The following GJC1 variants were observed in gnomAD, a reference collection of about 807,000 sequenced individuals.
GJC1 encodes the protein gap junction protein gamma 1.
In GJC1, 5 loss-of-function variants were observed where a neutral mutation model predicts 29.3. The observed-to-expected ratio is 0.17, with a 90% CI of 0.09 to 0.36. GJC1 has a LOEUF of 0.36. Ranked by LOEUF, GJC1 falls within the 10% of genes least tolerant of loss-of-function variation. The pLI is 1.00. For missense variants in GJC1, 310 were observed against 496.2 expected, an observed-to-expected ratio of 0.62 and a Z score of 3.56; for synonymous variants, 177 against 183.3, an observed-to-expected ratio of 0.97 and a Z score of 0.28.
intron 1 of GJC1, among the ~76,000 whole-genome samples, chr17:44,826,921 C>A (rs567644155): frequency 6.6e-6 from 1 of 152,200 alleles, no homozygotes; most frequent in Non-Finnish European, 1.5e-5. Context: ...CTGATATTAA[C>A]AGCTCAGAAC....
chr17:44,821,167 G>A (rs1479285804), intron 1 of GJC1, among the ~76,000 whole-genome samples: 1 of 152,156 alleles, frequency 6.6e-6, no homozygotes, highest in Non-Finnish European at 1.5e-5. Flanking sequence ...AGCTGGAGAA[G>A]TATGAGGAAC....
upstream of GJC1, among the ~76,000 whole-genome samples, chr17:44,830,968 A>G (rs1334844132): frequency 2.0e-5 from 3 of 152,234 alleles, no homozygotes; most frequent in Admixed American, 1.3e-4. The surrounding 1 kb of genome is among the most constrained non-coding windows in gnomAD (Gnocchi z 4.3). Flanking sequence ...CCCAGTAGGA[A>G]ACCGAAAATT....
At chr17:44,797,093 TTATA>T (rs2049788490), downstream of GJC1, among the ~76,000 whole-genome samples, 1 of 151,882 alleles carries the variant, frequency 6.6e-6, no homozygotes. Context: ...TCTCTCTCTG[TTATA>T]TATATTTTTT....
At chr17:44,818,915 C>T (rs971458048) in intron 1 of GJC1, among the ~76,000 whole-genome samples, 1 of 151,848 alleles carries the variant, frequency 6.6e-6, no homozygotes, top group East Asian at 1.9e-4. Flanking sequence ...CAAGACCATC[C>T]TAGACAACAT....
chr17:44,811,046 G>C lies in GJC1; in HGVS notation c.-96-3577C>G, dbSNP rs541650302. Among the ~76,000 whole-genome samples the C allele has an allele frequency of 3.3e-5, 5 of 152,182 alleles. No individual in the cohort carries two copies. In the East Asian group the frequency reaches 9.7e-4, roughly 29 times the overall value. On this transcript the variant is annotated intron_variant, in intron 1 of 2. Coordinates refer to ENST00000592524, the MANE Select transcript of GJC1 (RefSeq NM_005497.4). The stretch of plus-strand genomic sequence containing the variant: ...AGCCTCCCAAAGTGTTGGGATTACA[G>C]GTGTGAGCCACCACACGCAGCCAAT...
At chr17:44,798,389 A>T (rs148593165), downstream of GJC1, 367 of 152,306 alleles carry the variant, frequency 2.4e-3, 1 homozygote, top group African/African-American at 8.1e-3. Flanking sequence ...ATATGACATT[A>T]CCTGGCAGCT....
In GJC1 at chr17:44,805,569, C is replaced by T; in HGVS notation, c.249G>A (p.Leu83=). 6.2e-7 allele frequency: 1 copy of T among 1,614,190 alleles called. No individual in the cohort carries two copies. The highest frequency in any genetic ancestry group is 2.2e-5 in the East Asian group (1 of 44,888). Residue 83 remains leucine (L), a synonymous_variant, in exon 3 of 3, where the codon CTG becomes CTA. Coordinates refer to ENST00000592524, the MANE Select transcript of GJC1 (RefSeq NM_005497.4). This position sits in a 1 kb window ranked among gnomAD's most constrained non-coding sequence, Gnocchi z 5.1. ...HVRFWVFQII[L]VATPSVMYLG... ...GGTACATCACAGAGGGAGTTGCCAC[C>T]AGGATGATCTGGAACACCCAGAAGC...
At position 44,799,647 on chromosome 17, in the gene GJC1, A is replaced by G. The variant is rs1488773158; in HGVS notation, c.*4980T>C. On this transcript the variant is annotated 3_prime_UTR_variant, in exon 3 of 3. Coordinates refer to ENST00000592524, the MANE Select transcript of GJC1 (RefSeq NM_005497.4). ...TCATTATTAAAAACAGGCTGGGCAC[A>G]GTGGCTTATGCCTGTAATCCCAGCA... 1 of 152,342 alleles carries G rather than the reference A, an allele frequency of 6.6e-6. No homozygotes were observed. Among genetic ancestry groups the G allele is most frequent in the African/African-American group, 2.4e-5 (1 of 41,468 alleles). The allele number at this position is 152,342 out of a possible 1,614,324, so 9.4% of individuals were successfully genotyped here.
At chr17:44,797,924 A>G (rs2049793883), downstream of GJC1, 1 of 152,206 alleles carries the variant, frequency 6.6e-6, no homozygotes, top group Non-Finnish European at 1.5e-5. Context: ...CCAGTCGGCT[A>G]TCCCGTGTCT....
intron 1 of GJC1, among the ~76,000 whole-genome samples, chr17:44,825,812 G>C (rs2145371774): frequency 6.6e-6 from 1 of 151,926 alleles, no homozygotes; most frequent in African/African-American, 2.4e-5. Context: ...GACTTAATGG[G>C]CACCAGAATG....
Position 44,804,728 on chromosome 17 carries a change from C to A in GJC1, c.1090G>T (p.Gly364Cys). 1 of 1,614,162 alleles carries A rather than the reference C, an allele frequency of 6.2e-7. No individual in the cohort carries two copies. The highest frequency in any genetic ancestry group is 1.6e-4 in the Middle Eastern group (1 of 6,062). Residue 364 changes from glycine (G) to cysteine (C), a missense_variant, in exon 3 of 3, where the codon GGT (glycine) becomes TGT (cysteine). Gly to Cys is a radical substitution (Grantham distance 159). Coordinates refer to ENST00000592524, the MANE Select transcript of GJC1 (RefSeq NM_005497.4). ...ACTTTGGCCTTCTTCTCCCGGGGAC[C>A]ATGAGGGTTGTTTTGGTGACTGTAG... ...QAYSHQNNPH[G>C]PREKKAKVGS... is the part of the protein sequence containing the mutation.
At chr17:44,826,016 G>C (rs892815533) in intron 1 of GJC1, among the ~76,000 whole-genome samples, 3 of 152,120 alleles carry the variant, frequency 2.0e-5, no homozygotes, top group Non-Finnish European at 4.4e-5. Context: ...CACCTCCCAG[G>C]TTCAAGCCAT....
chr17:44,817,598 TACTC>T (rs1567712625), intron 1 of GJC1, among the ~76,000 whole-genome samples: 3 of 151,852 alleles, frequency 2.0e-5, no homozygotes, highest in Non-Finnish European at 4.4e-5. Context: ...TAATCCTAGT[TACTC>T]AGGAGGCTGA....
chr17:44,827,289 G>A (rs1426442954), intron 1 of GJC1, among the ~76,000 whole-genome samples: 1 of 151,916 alleles, frequency 6.6e-6, no homozygotes, highest in Non-Finnish European at 1.5e-5. Context: ...AGACAAGATA[G>A]CACCATTGCA....
chr17:44,811,388 CTTTT>C (rs573359174), intron 1 of GJC1, among the ~76,000 whole-genome samples: 1 of 128,058 alleles, frequency 7.8e-6, no homozygotes. Context: ...GGCCTTTTTT[CTTTT>C]TTTTTTTTTT....
intron 1 of GJC1, among the ~76,000 whole-genome samples, chr17:44,820,503 A>G (rs1290861448): frequency 6.6e-6 from 1 of 152,234 alleles, no homozygotes; most frequent in Non-Finnish European, 1.5e-5. Context: ...GGAACTCAAA[A>G]GTCTAGGGAT....
chr17:44,808,624 T>C (rs2049939889), intron 1 of GJC1, among the ~76,000 whole-genome samples: 1 of 151,988 alleles, frequency 6.6e-6, no homozygotes, highest in Non-Finnish European at 1.5e-5. Context: ...AAAATTAGCA[T>C]GGTGACGCAC....
rs746106098 is a variant in GJC1 at position 44,805,459 on chromosome 17, C to T, written c.359G>A (p.Arg120His). The change falls in exon 3 of 3, where the codon CGC (arginine) becomes CAC (histidine). Residue 120 changes from arginine to histidine, a missense_variant. This residue lies in a region of GJC1 where 82 missense variants were observed against 100.7 expected (regional missense o/e 0.81). Coordinates refer to ENST00000592524, the MANE Select transcript of GJC1 (RefSeq NM_005497.4). This position sits in a 1 kb window ranked among gnomAD's most constrained non-coding sequence, Gnocchi z 5.1. The part of the protein sequence containing the change: ...KAARSKPYAM[R>H]WKQHRALEET... ...TTCCAGAGCCCGGTGTTGTTTCCAGCGCATTGCATAGGGCTTGCTCCGAGC... is the reference window on the plus strand; with the variant it reads ...TTCCAGAGCCCGGTGTTGTTTCCAGTGCATTGCATAGGGCTTGCTCCGAGC... The T allele has an allele frequency of 8.7e-6, 14 of 1,613,964 alleles. No individual in the cohort carries two copies. Among genetic ancestry groups the T allele is most frequent in the South Asian group, 1.1e-5 (1 of 91,078 alleles).
intron 1 of GJC1, among the ~76,000 whole-genome samples, chr17:44,824,009 G>A (rs2050142032): frequency 6.8e-6 from 1 of 147,256 alleles, no homozygotes; most frequent in African/African-American, 2.5e-5. Flanking sequence ...ACTGTGCCTG[G>A]CCCTCTTTTC....
Sources: allele counts gnomAD v4.1 joint callset (sites outside exome capture counted in the v4.1 genomes callset), GRCh38; gene constraint gnomAD v4.1.1; regional missense constraint gnomAD v4.1.1; non-coding constraint Gnocchi (gnomAD v3.1); transcripts MANE v1.5; gene names NCBI Gene and HGNC (gene_info 2026-07-23, HGNC 2026-07-21).